Variants in SELENOW observed in about 807,000 individuals in gnomAD.
The protein encoded by SELENOW is selenoprotein W, 1.
A neutral mutation model predicts 16.6 loss-of-function variants in SELENOW; 20 were observed. The observed-to-expected ratio is 1.21, with a 90% CI of 0.85 to 1.76. SELENOW has a LOEUF of 1.76. Ranked by LOEUF, SELENOW falls within the 40% of genes most tolerant of loss-of-function variation. The pLI is 0.00. For synonymous variants in SELENOW, 44 were observed against 46.2 expected (o/e 0.95, Z 0.19); for missense variants, 124 against 111.0 (o/e 1.12, Z -0.53).
intron 5 of SELENOW, 158 bp downstream of exon 5, chr19:47,781,546 C>T: frequency 4.9e-6 from 3 of 613,416 alleles, no homozygotes; most frequent in Non-Finnish European, 8.8e-6. Flanking sequence ...TGGTGGAGGA[C>T]AACAACTGAG....
intron 1 of SELENOW, chr19:47,779,388 A>G (rs943265120): frequency 2.0e-5 from 3 of 153,392 alleles, no homozygotes; most frequent in African/African-American, 7.2e-5. Context: ...CAGGAAGGGT[A>G]TAATAGGATA....
In SELENOW at chr19:47,778,743, G is replaced by A; in HGVS notation, c.-43G>A. 6.3e-7 allele frequency: 1 copy of A among 1,586,470 alleles called. No individual in the cohort carries two copies. On this transcript the variant is annotated 5_prime_UTR_variant, in exon 1 of 6. Transcript: ENST00000601048. ...GCGCGTCCAGGTGGGAGGTTAGTGT[G>A]GCCCGGGCGTCCGCTCCTCAGCGGA...
intron 1 of SELENOW, chr19:47,780,114 T>C (rs1464912468): frequency 2.2e-6 from 1 of 455,980 alleles, no homozygotes. Context: ...GTTCAGAATC[T>C]AGGAGCTGCG....
Position 47,780,764 on chromosome 19 carries a change from T to C in SELENOW, c.54+15T>C. 6.5e-7 allele frequency: 1 copy of C among 1,542,710 alleles called. No homozygotes were observed. The highest frequency in any genetic ancestry group is 8.8e-7 in the Non-Finnish European group (1 of 1,141,510). ...ACAAGTCCAAGGTAAGCAGAGTGGA[T>C]GCCCGGGGGGCATTCCTGGGAGCTG... On this transcript the variant is annotated intron_variant, in intron 2 of 5. Coordinates refer to ENST00000601048, the MANE Select transcript of SELENOW (RefSeq NM_003009.4).
intron 5 of SELENOW, among the ~76,000 whole-genome samples, chr19:47,781,876 G>A (rs975638429): frequency 3.5e-4 from 53 of 151,618 alleles, no homozygotes; most frequent in African/African-American, 1.3e-3. Context: ...AGATGTGCAG[G>A]ATGACAGCTG....
chr19:47,778,902 C>A, intron 1 of SELENOW, 88 bp downstream of exon 1: 1 of 1,326,870 alleles, frequency 7.5e-7, no homozygotes, highest in Non-Finnish European at 1.0e-6. Flanking sequence ...GGGGAGAGGA[C>A]CCATGGGAGC....
At chr19:47,780,690 C>G (rs772187568) in intron 1 of SELENOW, 35 bp from the exon 2 acceptor site, 3 of 1,551,352 alleles carry the variant, frequency 1.9e-6, no homozygotes, top group African/African-American at 2.7e-5. Context: ...CTCCCTCTCT[C>G]CCCTGGGCCC....
Position 47,778,763 on chromosome 19 carries a change from A to G in SELENOW, c.-23A>G. The G allele has an allele frequency of 6.2e-7, 1 of 1,601,200 alleles. No individual in the cohort carries two copies. The highest frequency in any genetic ancestry group is 1.1e-5 in the South Asian group (1 of 88,942). On this transcript the variant is annotated 5_prime_UTR_variant, in exon 1 of 6. Transcript: ENST00000601048. ...AGTGTGGCCCGGGCGTCCGCTCCTCAGCGGATGTGGCAGCCCCGAGCCATG... is the reference window on the plus strand; with the variant it reads ...AGTGTGGCCCGGGCGTCCGCTCCTCGGCGGATGTGGCAGCCCCGAGCCATG...
At chr19:47,780,175 G>T (rs1390327939) in intron 1 of SELENOW, 1 of 446,210 alleles carries the variant, frequency 2.2e-6, no homozygotes, top group South Asian at 1.6e-5. Flanking sequence ...TGGGAGGCTG[G>T]GGCGGGCCGA....
chr19:47,783,046 G>A (rs1384784851), intron 5 of SELENOW: 1 of 151,300 alleles, frequency 6.6e-6, no homozygotes, highest in Non-Finnish European at 1.5e-5. Flanking sequence ...CTGGAGCATA[G>A]TTTATTTTTT....
At position 47,778,729 on chromosome 19, in the gene SELENOW, T is replaced by C. The variant is rs566570374; in HGVS notation, c.-57T>C. ...CTCGCGCAGACCTAGCGCGTCCAGG[T>C]GGGAGGTTAGTGTGGCCCGGGCGTC... On this transcript the variant is annotated 5_prime_UTR_variant, in exon 1 of 6. Coordinates refer to ENST00000601048, the MANE Select transcript of SELENOW (RefSeq NM_003009.4). 2.3e-5 allele frequency: 36 copies of C among 1,570,728 alleles called. No individual in the cohort carries two copies. In the South Asian group the frequency reaches 3.8e-4, roughly 17 times the overall value.
Position 47,780,854 on chromosome 19 carries a change from G to A in SELENOW, c.55-10G>A, listed in dbSNP as rs988379918. ...ATGACCCCTGCTGTGACCTCTCACC[G>A]CGTTTTCAGTATCTTCAGCTCAAGA... On this transcript the variant is annotated splice_polypyrimidine_tract_variant and intron_variant, in intron 2 of 5. Coordinates refer to ENST00000601048, the MANE Select transcript of SELENOW (RefSeq NM_003009.4). 7.4e-6 allele frequency: 12 copies of A among 1,612,538 alleles called. No homozygotes were observed. Among genetic ancestry groups the A allele is most frequent in the Middle Eastern group, 1.7e-4 (1 of 6,060 alleles).
At chr19:47,780,002 A>T (rs1157737784) in intron 1 of SELENOW, 2 of 337,538 alleles carry the variant, frequency 5.9e-6, no homozygotes, top group Admixed American at 3.6e-5. Context: ...CAAGAGTGAC[A>T]TTTTGAGACG....
rs1414881121 is a variant in SELENOW at position 47,780,861 on chromosome 19, C to T, written c.55-3C>T. On this transcript the variant is annotated splice_region_variant and splice_polypyrimidine_tract_variant and intron_variant, in intron 2 of 5. Transcript: ENST00000601048. The stretch of plus-strand genomic sequence containing the variant: ...CTGCTGTGACCTCTCACCGCGTTTT[C>T]AGTATCTTCAGCTCAAGAAGAAGTT... The T allele has an allele frequency of 6.2e-7, 1 of 1,612,828 alleles. No homozygotes were observed. Among genetic ancestry groups the T allele is most frequent in the East Asian group, 2.2e-5 (1 of 44,760 alleles).
chr19:47,779,074 A>C, intron 1 of SELENOW: 2 of 484,810 alleles, frequency 4.1e-6, no homozygotes, highest in South Asian at 2.9e-5. Context: ...TCAATTTCGA[A>C]CCCCCGACTC....
chr19:47,781,190 T>G lies in SELENOW; in HGVS notation c.183+8T>G, dbSNP rs750818395. The stretch of plus-strand genomic sequence containing the variant: ...TTGATTCACTCTAAGAAGGTATGTC[T>G]GTCTGTCCGTCCTGCCTGGTTTTGG... On this transcript the variant is annotated splice_region_variant and intron_variant, in intron 4 of 5. Coordinates refer to ENST00000601048, the MANE Select transcript of SELENOW (RefSeq NM_003009.4). 6.2e-7 allele frequency: 1 copy of G among 1,613,286 alleles called. No homozygotes were observed. Among genetic ancestry groups the G allele is most frequent in the East Asian group, 2.2e-5 (1 of 44,866 alleles).
intron 1 of SELENOW, 27 bp downstream of exon 1, chr19:47,778,841 TC>T: frequency 7.1e-7 from 1 of 1,406,552 alleles, no homozygotes; most frequent in Non-Finnish European, 9.6e-7. Context: ...GCGGCCCCCG[TC>T]CCCGACCCCC....
Position 47,781,571 on chromosome 19 carries a change from G to A in SELENOW, c.*18+183G>A, listed in dbSNP as rs1967477446. 7 of 603,472 alleles carry A rather than the reference G, an allele frequency of 1.2e-5. 1 individual carries two copies. The South Asian group carries it at 1.3e-4, about 12-fold the overall frequency. The allele number at this position is 603,472 out of a possible 1,614,324, so 37.4% of individuals were successfully genotyped here. On this transcript the variant is annotated intron_variant, in intron 5 of 5. Transcript: ENST00000601048. The stretch of plus-strand genomic sequence containing the variant: ...CAACAACTGAGATGGGGTCAGAGGT[G>A]TGCAGGGTGACAGCTGAGATGGTGA...
chr19:47,780,207 A>C, intron 1 of SELENOW: 1 of 413,618 alleles, frequency 2.4e-6, no homozygotes, highest in African/African-American at 2.1e-5. Flanking sequence ...TAGGAGTTCG[A>C]GACCAGCCTG....
Sources: allele counts gnomAD v4.1 joint callset (sites outside exome capture counted in the v4.1 genomes callset), GRCh38; gene constraint gnomAD v4.1.1; transcripts MANE v1.5; gene names NCBI Gene and HGNC (gene_info 2026-07-23, HGNC 2026-07-21).